TP53BP1: variants seen among roughly 807,000 people sequenced by gnomAD.
TP53BP1 encodes tumor protein p53 binding protein 1.
In TP53BP1, 61 loss-of-function variants were observed where a neutral mutation model predicts 200.8. The ratio of observed to expected loss-of-function variants is 0.30; its 90% CI spans 0.25 to 0.38. TP53BP1 has a LOEUF of 0.38. Ranked by LOEUF, TP53BP1 falls within the 10% of genes least tolerant of loss-of-function variation. TP53BP1 has a pLI of 1.00. For missense variants in TP53BP1, 2,144 were observed against 2,371.9 expected (o/e 0.90, Z 2.00); for synonymous variants, 822 against 844.3 (o/e 0.97, Z 0.46).
chr15:43,405,275 A>C lies in TP53BP1; in HGVS notation c.*2108T>G. The C allele has an allele frequency of 1.3e-6, 2 of 1,574,672 alleles. No individual in the cohort carries two copies. Among genetic ancestry groups the C allele is most frequent in the Non-Finnish European group, 1.7e-6 (2 of 1,144,412 alleles). On this transcript the variant is annotated 3_prime_UTR_variant, in exon 28 of 28. Coordinates refer to ENST00000382044, the MANE Select transcript of TP53BP1 (RefSeq NM_001141980.3). The stretch of plus-strand genomic sequence containing the variant: ...TTCCCAAGGTTGTAACAGAAGATTC[A>C]AAACATCCCATTCTAGCCACACACA...
At chr15:43,479,815 G>A (rs776908701) in intron 6 of TP53BP1, 44 bp downstream of exon 6, 1 of 1,606,228 alleles carries the variant, frequency 6.2e-7, no homozygotes, top group Admixed American at 1.7e-5. Flanking sequence ...TCTAATATGG[G>A]AGAAAACACA....
At chr15:43,477,568 T>G (rs750763054) in intron 8 of TP53BP1, 25 bp downstream of exon 8, 5 of 1,584,804 alleles carry the variant, frequency 3.2e-6, no homozygotes, top group Non-Finnish European at 4.3e-6. Flanking sequence ...GGAGAAGAGC[T>G]GTAACGACAA....
chr15:43,422,140 A>G lies in TP53BP1; in HGVS notation c.3829-14T>C, dbSNP rs542540410. 3 of 1,610,818 alleles carry G rather than the reference A, an allele frequency of 1.9e-6. No homozygotes were observed. In the African/African-American group the frequency reaches 4.0e-5, roughly 22 times the overall value. ...CTCTTCAGTCTCCTGCAAGGAAAAA[A>G]TAGATACAGAAGATAAAAGATGCCA... On this transcript the variant is annotated splice_polypyrimidine_tract_variant and intron_variant, in intron 18 of 27. Coordinates refer to ENST00000382044, the MANE Select transcript of TP53BP1 (RefSeq NM_001141980.3).
intron 18 of TP53BP1, among the ~76,000 whole-genome samples, chr15:43,422,810 A>G (rs945214532): frequency 1.3e-5 from 2 of 152,032 alleles, no homozygotes; most frequent in African/African-American, 4.8e-5. Flanking sequence ...CTTAGGCAAC[A>G]TAGTGAGAAC....
At chr15:43,417,537 G>T (rs779626376) in intron 21 of TP53BP1, among the ~76,000 whole-genome samples, 2 of 152,240 alleles carry the variant, frequency 1.3e-5, no homozygotes, top group Non-Finnish European at 2.9e-5. Flanking sequence ...ACTAGAAGTA[G>T]TCTAGTGTTG....
Position 43,456,123 on chromosome 15 carries a change from C to G in TP53BP1, c.2485G>C (p.Glu829Gln). ...GDLKSGTAET[E>Q]PVEQDSSQPS... ...TGTGAAGAATCTTGCTCTACAGGTT[C>G]TGTTTCTGCAGTCCCTGATTTCAGA... The change falls in exon 12 of 28, where the codon GAA becomes CAA. Residue 829 changes from glutamate (E) to glutamine (Q), a missense_variant. Glu to Gln is a conservative substitution (Grantham distance 29). This residue lies in a region of TP53BP1 where 1,700 missense variants were observed against 1,710.3 expected (regional missense o/e 0.99). Transcript: ENST00000382044. 6.2e-7 allele frequency: 1 copy of G among 1,614,230 alleles called. No homozygotes were observed. Among genetic ancestry groups the G allele is most frequent in the South Asian group, 1.1e-5 (1 of 91,082 alleles).
At position 43,404,995 on chromosome 15, in the gene TP53BP1, C is replaced by T. The variant is rs1322784854; in HGVS notation, c.*2388G>A. On this transcript the variant is annotated 3_prime_UTR_variant, in exon 28 of 28. Coordinates refer to ENST00000382044, the MANE Select transcript of TP53BP1 (RefSeq NM_001141980.3). The stretch of plus-strand genomic sequence containing the variant: ...GCTGGCTTCCCAGAGGTCTGTCATT[C>T]CCATTCAGAAAATCACTTCATTGTC... 4 of 586,820 alleles carry T rather than the reference C, an allele frequency of 6.8e-6. No homozygotes were observed. Among genetic ancestry groups the T allele is most frequent in the Non-Finnish European group, 5.9e-6 (2 of 336,400 alleles). 36.4% of individuals were successfully genotyped at this position (586,820 alleles called of 1,614,324 possible). A position where few individuals can be genotyped will look rare whatever the true frequency, so the allele number is the denominator to read the frequency against.
rs1159160152 is a variant in TP53BP1 at position 43,469,847 on chromosome 15, A to G, written c.1389+11T>C. 6.2e-7 allele frequency: 1 copy of G among 1,603,868 alleles called. No homozygotes were observed. Among genetic ancestry groups the G allele is most frequent in the Non-Finnish European group, 8.5e-7 (1 of 1,171,750 alleles). ...TATGTTAGGAGAAACAACTCTTTTT[A>G]CAATACTCACATGAGAAAACTGAGG... On this transcript the variant is annotated intron_variant, in intron 11 of 27. Coordinates refer to ENST00000382044, the MANE Select transcript of TP53BP1 (RefSeq NM_001141980.3).
chr15:43,432,352 A>C lies in TP53BP1; in HGVS notation c.3517T>G (p.Ser1173Ala), dbSNP rs115590044. The C allele has an allele frequency of 1.9e-6, 3 of 1,614,198 alleles. No individual in the cohort carries two copies. The African/African-American group carries it at 4.0e-5, about 22-fold the overall frequency. Residue 1173 changes from serine to alanine, a missense_variant, in exon 17 of 28, where the codon TCA (serine) becomes GCA (alanine). Around this residue, in one of 4 missense-constraint regions of TP53BP1, gnomAD observed 1,700 missense variants for 1,710.3 expected, o/e 0.99. Transcript: ENST00000382044. ...TTCTTTATAGTCTGGGTTGCTGCTGAAACAGTTTCTGGGACCCTCAAGGAA... is the reference window on the plus strand; with the variant it reads ...TTCTTTATAGTCTGGGTTGCTGCTGCAACAGTTTCTGGGACCCTCAAGGAA... ...ECSLRVPETV[S>A]AATQTIKNVC...
chr15:43,481,924 A>G (rs916910232), intron 4 of TP53BP1, among the ~76,000 whole-genome samples: 1 of 150,624 alleles, frequency 6.6e-6, no homozygotes, highest in African/African-American at 2.4e-5. Context: ...AACTCCATAT[A>G]TTTTTAAAAT....
chr15:43,433,294 C>A lies in TP53BP1; in HGVS notation c.3192-617G>T, dbSNP rs138967339. On this transcript the variant is annotated intron_variant, in intron 16 of 27. Transcript: ENST00000382044. ...CTCAAAGACAGTTCTTAAGATACAG[C>A]CCATTTTTTTTCATAAGTCATCCCA... Among the ~76,000 whole-genome samples the A allele has an allele frequency of 1.1e-4, 17 of 152,296 alleles. No individual in the cohort carries two copies. In the East Asian group the frequency reaches 3.1e-3, roughly 28 times the overall value.
At chr15:43,497,576 A>C (rs1424772758), upstream of TP53BP1, 1 of 295,284 alleles carries the variant, frequency 3.4e-6, no homozygotes, top group Non-Finnish European at 5.0e-6. Flanking sequence ...GAACATGCTC[A>C]ACACAGATGA....
At chr15:43,501,539 A>G (rs1286392986) in intron 1 of TP53BP1, among the ~76,000 whole-genome samples, 5 of 152,136 alleles carry the variant, frequency 3.3e-5, no homozygotes, top group Non-Finnish European at 7.3e-5. Flanking sequence ...TTTGACAAAC[A>G]TATACAGCCA....
At chr15:43,446,333 T>C (rs1281395053) in intron 14 of TP53BP1, 54 bp downstream of exon 14, 2 of 1,333,172 alleles carry the variant, frequency 1.5e-6, no homozygotes, top group African/African-American at 1.4e-5. Context: ...TTATAATCAA[T>C]ACTCCCCAGA....
chr15:43,454,536 T>G (rs1015451080), intron 12 of TP53BP1, among the ~76,000 whole-genome samples: 1 of 150,472 alleles, frequency 6.6e-6, no homozygotes, highest in Non-Finnish European at 1.5e-5. Context: ...GCTAATTTTG[T>G]GTTTTTGGTA....
Position 43,461,717 on chromosome 15 carries a change from G to A in TP53BP1, c.1390-4499C>T, listed in dbSNP as rs142188904. Among the ~76,000 whole-genome samples, 1,474 of 150,678 alleles carry A rather than the reference G, an allele frequency of 9.8e-3. 23 individuals carry two copies. Among genetic ancestry groups the A allele is most frequent in the African/African-American group, 0.034 (1,391 of 40,998 alleles). On this transcript the variant is annotated intron_variant, in intron 11 of 27. Transcript: ENST00000382044. ...ACAGTCTTGTTCTGTCACCCAGGCTGAAGTGCAGTGGCACCATCTCCGCTC... is the reference window on the plus strand; with the variant it reads ...ACAGTCTTGTTCTGTCACCCAGGCTAAAGTGCAGTGGCACCATCTCCGCTC...
chr15:43,449,170 TATGG>T (rs1189477269), intron 12 of TP53BP1, among the ~76,000 whole-genome samples: 3 of 151,996 alleles, frequency 2.0e-5, no homozygotes, highest in African/African-American at 7.2e-5. Flanking sequence ...CTGTAAACAG[TATGG>T]ATGAAGAATC....
chr15:43,479,611 A>C, intron 6 of TP53BP1, 85 bp from the exon 7 acceptor site: 3 of 1,421,428 alleles, frequency 2.1e-6, no homozygotes, highest in Non-Finnish European at 2.9e-6. Flanking sequence ...TAAAAAGCAA[A>C]GATTTTAACA....
intron 4 of TP53BP1, among the ~76,000 whole-genome samples, chr15:43,488,858 C>T (rs768259579): frequency 6.6e-6 from 1 of 152,184 alleles, no homozygotes; most frequent in African/African-American, 2.4e-5. Flanking sequence ...CACACCATTG[C>T]ACTCCAGCCT....
Sources: allele counts gnomAD v4.1 joint callset (sites outside exome capture counted in the v4.1 genomes callset), GRCh38; gene constraint gnomAD v4.1.1; regional missense constraint gnomAD v4.1.1; transcripts MANE v1.5; gene names NCBI Gene and HGNC (gene_info 2026-07-23, HGNC 2026-07-21).